The following NFIC variants were observed in gnomAD, a reference collection of about 807,000 sequenced individuals.
NFIC encodes nuclear factor I C.
In NFIC, 12 loss-of-function variants were observed where a neutral mutation model predicts 54.4. The observed-to-expected ratio is 0.22, with a 90% CI of 0.14 to 0.36. The LOEUF is 0.36. Ranked by LOEUF, NFIC falls within the 10% of genes least tolerant of loss-of-function variation. The pLI, the probability that NFIC is intolerant of heterozygous loss-of-function variation, is 1.00. For missense variants in NFIC, 575 were observed against 718.2 expected, an observed-to-expected ratio of 0.80 and a Z score of 2.28; for synonymous variants, 322 against 319.2, an observed-to-expected ratio of 1.01 and a Z score of -0.09.
Position 3,464,009 on chromosome 19 carries a change from T to C in NFIC, c.*1240T>C. On this transcript the variant is annotated 3_prime_UTR_variant, in exon 11 of 11. Coordinates refer to ENST00000443272, the MANE Select transcript of NFIC (RefSeq NM_001245002.2). Reference sequence around the variant, plus strand: ...CCCTGCGTGGCCCGAGGGGCAGAGCTGGGCGTCACTTCGCAAGCGTCCTGC... The same window carrying C: ...CCCTGCGTGGCCCGAGGGGCAGAGCCGGGCGTCACTTCGCAAGCGTCCTGC... 8.1e-6 allele frequency: 8 copies of C among 984,978 alleles called. No homozygotes were observed. Among genetic ancestry groups the C allele is most frequent in the Non-Finnish European group, 9.6e-6 (8 of 829,822 alleles). The allele number at this position is 984,978 out of a possible 1,614,324, so 61.0% of individuals were successfully genotyped here.
chr19:3,375,569 G>T lies in NFIC; in HGVS notation c.31-6143G>T. 6.6e-6 allele frequency among the ~76,000 whole-genome samples: 1 copy of T among 152,248 alleles called. No homozygotes were observed. Among genetic ancestry groups the T allele is most frequent in the Non-Finnish European group, 1.5e-5 (1 of 68,040 alleles). On this transcript the variant is annotated intron_variant, in intron 1 of 10. Coordinates refer to ENST00000443272, the MANE Select transcript of NFIC (RefSeq NM_001245002.2). This position sits in a 1 kb window ranked among gnomAD's most constrained non-coding sequence, Gnocchi z 4.6. ...CCTTAGCAGGTTGGCTGGGGAAGCG[G>T]GGGCAGCGGAAAAGGGCCCTGAGGT...
chr19:3,454,138 T>G, intron 9 of NFIC: 1 of 1,336,726 alleles, frequency 7.5e-7, no homozygotes, highest in Non-Finnish European at 9.5e-7. Context: ...AGGGTGAGAG[T>G]CCAGGGTCTG....
rs1208877062 is a variant in NFIC, at chr19:3,369,216, CTCTG to C, written c.30+2554_30+2557del. ...GATGTGTCTCTGTCTGTTTCTCTGT[CTCTG>C]TCTCTCTGCCCCCTTCCTCTCTGTC... On this transcript the variant is annotated intron_variant, in intron 1 of 10. Transcript: ENST00000443272. The surrounding 1 kb of genome is among the most constrained non-coding windows in gnomAD (Gnocchi z 4.3). 6.6e-6 allele frequency among the ~76,000 whole-genome samples: 1 copy of C among 151,944 alleles called. No individual in the cohort carries two copies. The highest frequency in any genetic ancestry group is 2.4e-5 in the African/African-American group (1 of 41,350).
intron 2 of NFIC, among the ~76,000 whole-genome samples, chr19:3,386,653 G>C (rs1306775677): frequency 6.6e-6 from 1 of 152,162 alleles, no homozygotes; most frequent in African/African-American, 2.4e-5. Context: ...GGAGGAAACA[G>C]AGGCTCAGAG....
chr19:3,378,610 T>G (rs2081147600), intron 1 of NFIC, among the ~76,000 whole-genome samples: 1 of 152,174 alleles, frequency 6.6e-6, no homozygotes, highest in South Asian at 2.1e-4. Flanking sequence ...GGCCTCAGTT[T>G]CCTCATCTGT....
In NFIC at chr19:3,435,213, G is replaced by A. The variant is rs766198179; in HGVS notation, c.958+6G>A. ...GACGGAGGACATGGAAGGAGGTAGG[G>A]CTGGTGGCGGGGGCGGAGCCGGCCT... is the stretch of plus-strand genomic sequence containing the variant. On this transcript the variant is annotated splice_donor_region_variant and intron_variant, in intron 6 of 10. Transcript: ENST00000443272. The A allele has an allele frequency of 6.3e-7, 1 of 1,578,180 alleles. No homozygotes were observed. The highest frequency in any genetic ancestry group is 8.6e-7 in the Non-Finnish European group (1 of 1,156,594).
At chr19:3,386,816 G>A (rs1171692366) in intron 2 of NFIC, among the ~76,000 whole-genome samples, 1 of 152,168 alleles carries the variant, frequency 6.6e-6, no homozygotes. Flanking sequence ...TGCGTGAGGG[G>A]GCAGTCTGCT....
At chr19:3,422,274 A>G (rs1272244680) in intron 2 of NFIC, among the ~76,000 whole-genome samples, 1 of 151,192 alleles carries the variant, frequency 6.6e-6, no homozygotes, top group Non-Finnish European at 1.5e-5. Context: ...GGGTCTCACT[A>G]TGTTGCCCTG....
intron 3 of NFIC, 133 bp downstream of exon 3, chr19:3,425,310 C>G: frequency 9.4e-7 from 1 of 1,061,678 alleles, no homozygotes; most frequent in Non-Finnish European, 1.3e-6. Flanking sequence ...GTTAAGGGGC[C>G]TGTCCAGGGG....
intron 2 of NFIC, among the ~76,000 whole-genome samples, chr19:3,399,790 G>A (rs988201388): frequency 2.0e-4 from 31 of 151,486 alleles, no homozygotes; most frequent in Middle Eastern, 3.2e-3. Flanking sequence ...AGAATCACTT[G>A]AACCTGGGAG....
chr19:3,371,315 A>G (rs2081004305), intron 1 of NFIC: 1 of 145,568 alleles, frequency 6.9e-6, no homozygotes, highest in Non-Finnish European at 1.5e-5. Context: ...TCAGGGAGGC[A>G]GCACAATTTT....
At chr19:3,407,644 C>T (rs2145559120) in intron 2 of NFIC, among the ~76,000 whole-genome samples, 1 of 151,902 alleles carries the variant, frequency 6.6e-6, no homozygotes, top group East Asian at 1.9e-4. Context: ...CCATGTTGGT[C>T]AGGCTGAGCT....
At position 3,370,562 on chromosome 19, in the gene NFIC, TGTCTCC is replaced by T. The variant is rs1385275641; in HGVS notation, c.30+3897_30+3902del. On this transcript the variant is annotated intron_variant, in intron 1 of 10. Transcript: ENST00000443272. This position sits in a 1 kb window ranked among gnomAD's most constrained non-coding sequence, Gnocchi z 5.2. ...CCTCCTCTCTCCCTCTCTCCTTCTC[TGTCTCC>T]CTTTCCGTCTTTCCCTCTTCCTTTC... is the stretch of plus-strand genomic sequence containing the variant. Among the ~76,000 whole-genome samples the T allele has an allele frequency of 1.3e-5, 2 of 149,602 alleles. No individual in the cohort carries two copies. Among genetic ancestry groups the T allele is most frequent in the Admixed American group, 1.3e-4 (2 of 15,014 alleles).
In NFIC at chr19:3,469,037, CTAAG is replaced by C. The variant is rs1327017656; in HGVS notation, c.*6271_*6274del. 1 of 151,160 alleles carries C rather than the reference CTAAG, an allele frequency of 6.6e-6. No homozygotes were observed. Among genetic ancestry groups the C allele is most frequent in the Non-Finnish European group, 1.5e-5 (1 of 67,944 alleles). 9.4% of individuals were successfully genotyped at this position (151,160 alleles called of 1,614,324 possible). On this transcript the variant is annotated 3_prime_UTR_variant, in exon 11 of 11. Transcript: ENST00000443272. ...TTTTGGTTTTCGCGGACGCGCCTAC[CTAAG>C]TACCATTTACAGAAAGTGACTCTGG...
chr19:3,454,501 C>G (rs1262277913), intron 9 of NFIC, among the ~76,000 whole-genome samples: 1 of 151,988 alleles, frequency 6.6e-6, no homozygotes, highest in African/African-American at 2.4e-5. Flanking sequence ...GCTGCACCTT[C>G]TAGATTTTTC....
At chr19:3,392,035 G>A (rs1052007752) in intron 2 of NFIC, among the ~76,000 whole-genome samples, 3 of 151,522 alleles carry the variant, frequency 2.0e-5, no homozygotes, top group Non-Finnish European at 4.4e-5. Context: ...TGAGCATAGG[G>A]GGTGCCTAGC....
rs544661534 is a variant in NFIC at position 3,464,635 on chromosome 19, C to G, written c.*1866C>G. On this transcript the variant is annotated 3_prime_UTR_variant, in exon 11 of 11. Transcript: ENST00000443272. Reference sequence around the variant, plus strand: ...GCCAGGGCAGGTCTCCGGGTCTCACCTGCTCCTAGCCTCACCCCCCTGCCC... The same window carrying G: ...GCCAGGGCAGGTCTCCGGGTCTCACGTGCTCCTAGCCTCACCCCCCTGCCC... 1.1e-4 allele frequency: 108 copies of G among 982,888 alleles called. No individual in the cohort carries two copies. In the South Asian group the frequency reaches 4.5e-3, roughly 41 times the overall value. The allele number at this position is 982,888 out of a possible 1,614,324, so 60.9% of individuals were successfully genotyped here. A position where few individuals can be genotyped will look rare whatever the true frequency, so the allele number is the denominator to read the frequency against.
In NFIC at chr19:3,435,220, GC is replaced by G. The variant is rs761859521; in HGVS notation, c.958+14del. 3 of 1,568,408 alleles carry G rather than the reference GC, an allele frequency of 1.9e-6. No homozygotes were observed. The African/African-American group carries it at 4.1e-5, about 21-fold the overall frequency. ...GACATGGAAGGAGGTAGGGCTGGTG[GC>G]GGGGGCGGAGCCGGCCTTCCGGTCT... On this transcript the variant is annotated intron_variant, in intron 6 of 10. Coordinates refer to ENST00000443272, the MANE Select transcript of NFIC (RefSeq NM_001245002.2).
At chr19:3,363,853 CG>C (rs2080849958), upstream of NFIC, among the ~76,000 whole-genome samples, 2 of 152,176 alleles carry the variant, frequency 1.3e-5, no homozygotes, top group African/African-American at 4.8e-5. Flanking sequence ...GGGCCCAGGA[CG>C]GCCCCAACCC....
Sources: gnomAD v4.1 joint callset for allele counts (sites outside exome capture counted in the v4.1 genomes callset) on GRCh38, gnomAD v4.1.1 for gene constraint, Gnocchi (gnomAD v3.1) non-coding constraint, MANE v1.5 for transcripts, NCBI Gene and HGNC (gene_info 2026-07-23, HGNC 2026-07-21) for gene names.